The following SLC35D1 variants were observed in gnomAD, a reference collection of about 807,000 sequenced individuals.
SLC35D1 encodes nucleotide sugar transporter SLC35D1.
A neutral mutation model predicts 46.7 loss-of-function variants in SLC35D1; 31 were observed. That is an observed-to-expected ratio of 0.66 (90% CI 0.50 to 0.90). The LOEUF is 0.90. Among genes scored for constraint, SLC35D1 ranks in the 40% least tolerant of loss-of-function variants. The probability of loss-of-function intolerance (pLI) is 0.00; values close to 1 mark genes in which losing one functional copy is unlikely to be tolerated. For synonymous variants in SLC35D1, 195 were observed against 164.6 expected (o/e 1.18, Z -1.41); for missense variants, 397 against 426.2 (o/e 0.93, Z 0.60).
the SLC35D1 span, among the ~76,000 whole-genome samples, chr1:66,990,608 A>G: frequency 1.3e-5 from 2 of 152,152 alleles, no homozygotes; most frequent in Non-Finnish European, 2.9e-5. Flanking sequence ...GAATAAAACA[A>G]CTCACTTAGG....
chr1:67,010,647 C>T (rs774314384), intron 10 of SLC35D1, among the ~76,000 whole-genome samples: 1 of 152,274 alleles, frequency 6.6e-6, no homozygotes, highest in Middle Eastern at 3.4e-3. Flanking sequence ...TTCCATTACA[C>T]TTACCAGTTG....
chr1:66,984,711 C>T, the SLC35D1 span: 1 of 1,613,940 alleles, frequency 6.2e-7, no homozygotes, highest in Non-Finnish European at 8.5e-7. Context: ...AAACAGATAA[C>T]CTTACCACTG....
chr1:66,985,753 G>A, the SLC35D1 span: 22 of 967,510 alleles, frequency 2.3e-5, no homozygotes, highest in Non-Finnish European at 2.3e-5. Flanking sequence ...TTAAGTGTTT[G>A]TGTAGTAATT....
chr1:67,023,523 T>C (rs1667854977), intron 8 of SLC35D1, among the ~76,000 whole-genome samples: 1 of 150,740 alleles, frequency 6.6e-6, no homozygotes, highest in South Asian at 2.1e-4. Flanking sequence ...TCTCACCCTG[T>C]CGCGCAGGCT....
At chr1:67,034,597 T>C (rs983240783) in intron 8 of SLC35D1, among the ~76,000 whole-genome samples, 1 of 152,198 alleles carries the variant, frequency 6.6e-6, no homozygotes, top group Non-Finnish European at 1.5e-5. Context: ...GTAGAGTCTT[T>C]AGGTTTTTCT....
chr1:67,005,087 CAAACTCACCT>C (rs2102227429), intron 11 of SLC35D1, among the ~76,000 whole-genome samples: 1 of 152,244 alleles, frequency 6.6e-6, no homozygotes, highest in South Asian at 2.1e-4. Context: ...GTGGGGACCT[CAAACTCACCT>C]AGGATACGCA....
At chr1:67,031,441 G>T (rs1410798260) in intron 8 of SLC35D1, among the ~76,000 whole-genome samples, 2 of 151,998 alleles carry the variant, frequency 1.3e-5, no homozygotes, top group African/African-American at 4.8e-5. Flanking sequence ...CTTATTAAGT[G>T]CCTATTATGT....
At chr1:66,973,206 G>GT in the SLC35D1 span, among the ~76,000 whole-genome samples, 1 of 151,982 alleles carries the variant, frequency 6.6e-6, no homozygotes, top group Non-Finnish European at 1.5e-5. Flanking sequence ...TATTGCAGGT[G>GT]TTTAAGAATT....
intron 6 of SLC35D1, among the ~76,000 whole-genome samples, chr1:67,049,208 G>C (rs1463532769): frequency 1.3e-5 from 2 of 151,990 alleles, no homozygotes; most frequent in Non-Finnish European, 2.9e-5. Context: ...GCAGGAGAAT[G>C]GCGTAAACCT....
chr1:67,014,812 T>A (rs114081165), intron 10 of SLC35D1, among the ~76,000 whole-genome samples: 1 of 151,440 alleles, frequency 6.6e-6, no homozygotes, highest in Non-Finnish European at 1.5e-5. Context: ...CTTATGTCTG[T>A]AAATTTGAGA....
chr1:66,991,109 T>C, the SLC35D1 span, among the ~76,000 whole-genome samples: 8 of 152,206 alleles, frequency 5.3e-5, no homozygotes, highest in Non-Finnish European at 7.4e-5. Flanking sequence ...ATCTGAGTAG[T>C]AGTATAAACG....
chr1:66,997,406 G>T (rs993554159), downstream of SLC35D1, among the ~76,000 whole-genome samples: 4 of 150,576 alleles, frequency 2.7e-5, no homozygotes, highest in African/African-American at 9.8e-5. Context: ...AGGAGGCTAG[G>T]GTAGGAGAAT....
chr1:66,989,981 A>C, the SLC35D1 span, among the ~76,000 whole-genome samples: 2 of 152,240 alleles, frequency 1.3e-5, no homozygotes, highest in Admixed American at 6.5e-5. Flanking sequence ...CTGAGTGAAC[A>C]TGAGAAACTA....
intron 8 of SLC35D1, among the ~76,000 whole-genome samples, chr1:67,040,874 T>C (rs963325504): frequency 1.3e-5 from 2 of 152,210 alleles, no homozygotes; most frequent in Admixed American, 6.5e-5. Flanking sequence ...TTTAGAACCA[T>C]ATATCACACC....
At chr1:66,997,389 G>A (rs1433326243), downstream of SLC35D1, among the ~76,000 whole-genome samples, 1 of 150,750 alleles carries the variant, frequency 6.6e-6, no homozygotes. Flanking sequence ...CCTCTACTCC[G>A]CTACTCAGGA....
At chr1:66,973,076 T>C in the SLC35D1 span, 1 of 726,510 alleles carries the variant, frequency 1.4e-6, no homozygotes, top group Non-Finnish European at 2.4e-6. Flanking sequence ...TTATATTGTC[T>C]AGTGTTAAAG....
At chr1:67,043,051 C>T (rs921535111) in intron 7 of SLC35D1, among the ~76,000 whole-genome samples, 4 of 152,048 alleles carry the variant, frequency 2.6e-5, no homozygotes, top group East Asian at 3.9e-4. Context: ...AAAAATTAGC[C>T]GGGCATGATG....
chr1:67,000,307 A>ATT lies in SLC35D1; in HGVS notation c.*4032_*4033insAA, dbSNP rs1558146145. The stretch of plus-strand genomic sequence containing the variant: ...CTTTCTTTTTTTTTTTTTTTTTTAA[A>ATT]AAAAAGGAGGGGGAGTAGGGGGAAG... On this transcript the variant is annotated 3_prime_UTR_variant, in exon 12 of 12. Coordinates refer to ENST00000235345, the MANE Select transcript of SLC35D1 (RefSeq NM_015139.3). 7.0e-6 allele frequency: 1 copy of ATT among 142,254 alleles called. No individual in the cohort carries two copies. The highest frequency in any genetic ancestry group is 2.7e-5 in the African/African-American group (1 of 36,674). 8.8% of individuals were successfully genotyped at this position (142,254 alleles called of 1,614,324 possible).
intron 6 of SLC35D1, among the ~76,000 whole-genome samples, chr1:67,047,682 T>C (rs1385852298): frequency 9.9e-5 from 15 of 152,102 alleles, no homozygotes; most frequent in Admixed American, 9.8e-4. Flanking sequence ...AGTACATCTG[T>C]GAAGCAGGCA....
Sources: gnomAD v4.1 joint callset for allele counts (sites outside exome capture counted in the v4.1 genomes callset) on GRCh38, gnomAD v4.1.1 for gene constraint, MANE v1.5 for transcripts, NCBI Gene and HGNC (gene_info 2026-07-23, HGNC 2026-07-21) for gene names.